CEP44: variants seen among roughly 807,000 people sequenced by gnomAD.
CEP44 encodes the protein centrosomal protein 44, also known as centrosomal protein of 44 kDa.
CEP44 carries 45 observed loss-of-function variants against 46.7 expected under a neutral mutation model. That is an observed-to-expected ratio of 0.96 (90% CI 0.76 to 1.24). CEP44 has a LOEUF of 1.24. Among genes scored for constraint, CEP44 ranks in the 50% most tolerant of loss-of-function variants. The pLI is 0.00. For synonymous variants in CEP44, 142 were observed against 146.0 expected (o/e 0.97, Z 0.20); for missense variants, 475 against 459.7 (o/e 1.03, Z -0.30).
At position 174,331,824 on chromosome 4, in the gene CEP44, A is replaced by G; in HGVS notation, c.*229A>G. On this transcript the variant is annotated 3_prime_UTR_variant, in exon 9 of 9. Transcript: ENST00000426172. This position sits in a 1 kb window ranked among gnomAD's most constrained non-coding sequence, Gnocchi z 4.5. ...GAAATTTCTCAAAATGTCTGCTGAT[A>G]GCCCCTCACTCATATTTTTCATGTG... 1 of 450,298 alleles carries G rather than the reference A, an allele frequency of 2.2e-6. No individual in the cohort carries two copies. Among genetic ancestry groups the G allele is most frequent in the Non-Finnish European group, 3.8e-6 (1 of 263,608 alleles). The allele number at this position is 450,298 out of a possible 1,614,324, so 27.9% of individuals were successfully genotyped here.
At chr4:174,321,196 T>C (rs1742293157), downstream of CEP44, among the ~76,000 whole-genome samples, 1 of 152,176 alleles carries the variant, frequency 6.6e-6, no homozygotes, top group African/African-American at 2.4e-5. Context: ...TACTTTAAGT[T>C]CAAGAAATAT....
At chr4:174,302,241 T>G in intron 4 of CEP44, 55 bp downstream of exon 4, 1 of 1,175,090 alleles carries the variant, frequency 8.5e-7, no homozygotes, top group East Asian at 2.5e-5. Flanking sequence ...TTTTAAAAAT[T>G]AATGATTTAG....
chr4:174,318,627 G>A lies in CEP44; in HGVS notation c.*1244G>A, dbSNP rs149130941. 37 of 624,192 alleles carry A rather than the reference G, an allele frequency of 5.9e-5. No individual in the cohort carries two copies. The highest frequency in any genetic ancestry group is 8.2e-4 in the Middle Eastern group (1 of 1,216). The allele number at this position is 624,192 out of a possible 1,614,324, so 38.7% of individuals were successfully genotyped here. A position where few individuals can be genotyped will look rare whatever the true frequency, so the allele number is the denominator to read the frequency against. On this transcript the variant is annotated 3_prime_UTR_variant, in exon 12 of 12. Transcript: ENST00000503780. ...ATTAGTATTTTTTTTAATATTATAT[G>A]GACCATCTGATTATATTTTATTTAT...
At position 174,309,712 on chromosome 4, in the gene CEP44, C is replaced by G. The variant is rs565974884; in HGVS notation, c.679-138C>G. Reference sequence around the variant, plus strand: ...GTTTAAGTGGCCAAGTAGTCTCCATCCAGAGATAGCTCTCTTAACTCTCAA... The same window carrying G: ...GTTTAAGTGGCCAAGTAGTCTCCATGCAGAGATAGCTCTCTTAACTCTCAA... On this transcript the variant is annotated intron_variant, in intron 7 of 11. Coordinates refer to ENST00000503780, the MANE Select transcript of CEP44 (RefSeq NM_001040157.3). The surrounding 1 kb of genome is among the most constrained non-coding windows in gnomAD (Gnocchi z 5.3). The G allele has an allele frequency of 6.7e-6, 4 of 599,594 alleles. No individual in the cohort carries two copies. The African/African-American group carries it at 7.4e-5, about 11-fold the overall frequency. The allele number at this position is 599,594 out of a possible 1,614,324, so 37.1% of individuals were successfully genotyped here.
At position 174,317,432 on chromosome 4, in the gene CEP44, G is replaced by A; in HGVS notation, c.*49G>A. 2 of 1,332,450 alleles carry A rather than the reference G, an allele frequency of 1.5e-6. No individual in the cohort carries two copies. Among genetic ancestry groups the A allele is most frequent in the Non-Finnish European group, 2.0e-6 (2 of 1,015,358 alleles). The allele number at this position is 1,332,450 out of a possible 1,614,324, so 82.5% of individuals were successfully genotyped here. ...TAGGACTTTGGTTACTATACATATTGTATATTTTAAGAATTCTTTATACAA... is the reference window on the plus strand; with the variant it reads ...TAGGACTTTGGTTACTATACATATTATATATTTTAAGAATTCTTTATACAA... On this transcript the variant is annotated 3_prime_UTR_variant, in exon 12 of 12. Coordinates refer to ENST00000503780, the MANE Select transcript of CEP44 (RefSeq NM_001040157.3).
rs112824178 is a variant in CEP44 at position 174,311,308 on chromosome 4, C to G, written c.961+450C>G. 0.014 allele frequency among the ~76,000 whole-genome samples: 2,142 copies of G among 152,016 alleles called. 50 individuals are homozygous for G. Among genetic ancestry groups the G allele is most frequent in the African/African-American group, 0.048 (1,999 of 41,514 alleles). ...CTGATAATGATAAAATGGGAAAGATCTGATATTAGGATAGGTCTTTTCCTG... is the reference window on the plus strand; with the variant it reads ...CTGATAATGATAAAATGGGAAAGATGTGATATTAGGATAGGTCTTTTCCTG... On this transcript the variant is annotated intron_variant, in intron 9 of 11. Transcript: ENST00000503780. This position sits in a 1 kb window ranked among gnomAD's most constrained non-coding sequence, Gnocchi z 4.4.
At position 174,316,163 on chromosome 4, in the gene CEP44, C is replaced by G. The variant is rs1227470996; in HGVS notation, c.962-3C>G. The G allele has an allele frequency of 3.1e-6, 5 of 1,610,628 alleles. No homozygotes were observed. Among genetic ancestry groups the G allele is most frequent in the Non-Finnish European group, 4.2e-6 (5 of 1,179,202 alleles). ...GGTAATCTAAAACTTAATTTCTTCA[C>G]AGACAGAAAAAGCGAAGTAGAGAGG... On this transcript the variant is annotated splice_region_variant and splice_polypyrimidine_tract_variant and intron_variant, in intron 9 of 11. Transcript: ENST00000503780.
Position 174,314,096 on chromosome 4 carries a change from C to T in CEP44, c.962-2070C>T, listed in dbSNP as rs906778988. 2.6e-5 allele frequency among the ~76,000 whole-genome samples: 4 copies of T among 152,092 alleles called. No individual in the cohort carries two copies. The highest frequency in any genetic ancestry group is 7.2e-5 in the African/African-American group (3 of 41,410). On this transcript the variant is annotated intron_variant, in intron 9 of 11. Coordinates refer to ENST00000503780, the MANE Select transcript of CEP44 (RefSeq NM_001040157.3). This position sits in a 1 kb window ranked among gnomAD's most constrained non-coding sequence, Gnocchi z 4.1. ...GATGGCAGTGAAAGATTAGTTGTTA[C>T]GTGGTAAGAGTTGGGTAGAAGATTT...
Position 174,319,864 on chromosome 4 carries a change from A to G in CEP44, c.*2481A>G, listed in dbSNP as rs1214376819. ...ACAGATCAGCAAATTGTTATTTTAA[A>G]AAGTTTTCTTGTTTAGGCAATTTGG... On this transcript the variant is annotated 3_prime_UTR_variant, in exon 12 of 12. Coordinates refer to ENST00000503780, the MANE Select transcript of CEP44 (RefSeq NM_001040157.3). 1.0e-6 allele frequency: 1 copy of G among 985,352 alleles called. No individual in the cohort carries two copies. The highest frequency in any genetic ancestry group is 1.2e-6 in the Non-Finnish European group (1 of 829,858). 61.0% of individuals were successfully genotyped at this position (985,352 alleles called of 1,614,324 possible).
At chr4:174,296,453 G>A (rs2126551357) in intron 1 of CEP44, among the ~76,000 whole-genome samples, 2 of 152,006 alleles carry the variant, frequency 1.3e-5, no homozygotes, top group Middle Eastern at 3.4e-3. Flanking sequence ...TTCCACTTTT[G>A]TGTCTTTTCA....
rs1739685690 is a variant in CEP44 at position 174,301,348 on chromosome 4, G to A, written c.90-691G>A. On this transcript the variant is annotated intron_variant, in intron 3 of 11. Coordinates refer to ENST00000503780, the MANE Select transcript of CEP44 (RefSeq NM_001040157.3). The surrounding 1 kb of genome is among the most constrained non-coding windows in gnomAD (Gnocchi z 4.3). The stretch of plus-strand genomic sequence containing the variant: ...CAGATAAAGACACAGCAGATACTGA[G>A]TAGCCTGGGAGTCTTTCTTGGAGAG... 6.6e-6 allele frequency among the ~76,000 whole-genome samples: 1 copy of A among 152,154 alleles called. No homozygotes were observed. The highest frequency in any genetic ancestry group is 1.5e-5 in the Non-Finnish European group (1 of 68,002).
In CEP44 at chr4:174,317,783, C is replaced by A; in HGVS notation, c.*400C>A. ...GGACTTGTGTATTATACCCAGGAGG[C>A]TCTCATATATACCATCTTGGCATCT... On this transcript the variant is annotated 3_prime_UTR_variant, in exon 12 of 12. Coordinates refer to ENST00000503780, the MANE Select transcript of CEP44 (RefSeq NM_001040157.3). 1.0e-6 allele frequency: 1 copy of A among 986,714 alleles called. No homozygotes were observed. The highest frequency in any genetic ancestry group is 1.2e-6 in the Non-Finnish European group (1 of 830,578). The allele number at this position is 986,714 out of a possible 1,614,324, so 61.1% of individuals were successfully genotyped here. A position where few individuals can be genotyped will look rare whatever the true frequency, so the allele number is the denominator to read the frequency against.
At chr4:174,321,629 T>C (rs1272510952), downstream of CEP44, among the ~76,000 whole-genome samples, 1 of 152,192 alleles carries the variant, frequency 6.6e-6, no homozygotes, top group Non-Finnish European at 1.5e-5. Flanking sequence ...GGCAATATTC[T>C]GCATACATAT....
intron 8 of CEP44, among the ~76,000 whole-genome samples, chr4:174,327,835 G>T (rs1489599522): frequency 6.6e-6 from 1 of 152,088 alleles, no homozygotes; most frequent in Non-Finnish European, 1.5e-5. Flanking sequence ...AAAGAGAAAT[G>T]AAAGGACTGT....
At position 174,318,916 on chromosome 4, in the gene CEP44, T is replaced by C. The variant is rs1290720261; in HGVS notation, c.*1533T>C. ...CTTCTGCCTACCGAGTTCAAGCGAT[T>C]CTTGTGCTTCAGCCTCCTGAGTAGC... On this transcript the variant is annotated 3_prime_UTR_variant, in exon 12 of 12. Transcript: ENST00000503780. 2 of 261,124 alleles carry C rather than the reference T, an allele frequency of 7.7e-6. No homozygotes were observed. The highest frequency in any genetic ancestry group is 1.8e-4 in the East Asian group (1 of 5,654). The allele number at this position is 261,124 out of a possible 1,614,324, so 16.2% of individuals were successfully genotyped here. A position where few individuals can be genotyped will look rare whatever the true frequency, so the allele number is the denominator to read the frequency against.
chr4:174,316,288 G>A lies in CEP44; in HGVS notation c.1084G>A (p.Glu362Lys). 1 of 1,609,390 alleles carries A rather than the reference G, an allele frequency of 6.2e-7. No individual in the cohort carries two copies. The highest frequency in any genetic ancestry group is 8.5e-7 in the Non-Finnish European group (1 of 1,176,300). ...VNYCGLNEIS[E>K]ETTIQKMERM... ...TTACTGTGGTTTGAATGAGATTTCA[G>A]AGGTAAGAAAATGCTTAGATTATTT... The change falls in exon 10 of 12, where the codon GAG becomes AAG. Residue 362 changes from glutamate (E) to lysine (K), a missense_variant and splice_region_variant. Coordinates refer to ENST00000503780, the MANE Select transcript of CEP44 (RefSeq NM_001040157.3).
intron 1 of CEP44, among the ~76,000 whole-genome samples, chr4:174,295,404 G>A (rs1410632437): frequency 4.6e-5 from 7 of 151,888 alleles, no homozygotes; most frequent in African/African-American, 1.4e-4. Context: ...GCCGGGCAGA[G>A]ACGCTCCTTA....
Position 174,297,165 on chromosome 4 carries a change from C to G in CEP44, c.-147-801C>G, listed in dbSNP as rs1739136089. Reference sequence around the variant, plus strand: ...TATTTTTGATCCACTTTAACAATCTCTGGCTCATTTTACATTCTCACAAGC... The same window carrying G: ...TATTTTTGATCCACTTTAACAATCTGTGGCTCATTTTACATTCTCACAAGC... On this transcript the variant is annotated intron_variant, in intron 1 of 11. Coordinates refer to ENST00000503780, the MANE Select transcript of CEP44 (RefSeq NM_001040157.3). The surrounding 1 kb of genome is among the most constrained non-coding windows in gnomAD (Gnocchi z 4.3). Among the ~76,000 whole-genome samples, 1 of 152,108 alleles carries G rather than the reference C, an allele frequency of 6.6e-6. No homozygotes were observed.
chr4:174,316,438 T>G, intron 10 of CEP44, 92 bp from the exon 11 acceptor site: 1 of 1,351,014 alleles, frequency 7.4e-7, no homozygotes. Flanking sequence ...CTTAATGCAA[T>G]GTTTCAAACT....
Sources: gnomAD v4.1 joint callset for allele counts (sites outside exome capture counted in the v4.1 genomes callset) on GRCh38, gnomAD v4.1.1 for gene constraint, Gnocchi (gnomAD v3.1) non-coding constraint, MANE v1.5 for transcripts, NCBI Gene and HGNC (gene_info 2026-07-23, HGNC 2026-07-21) for gene names.